The following MYO1E variants were observed in gnomAD, a reference collection of about 807,000 sequenced individuals.
MYO1E encodes myosin IE.
Under a neutral mutation model 151.1 loss-of-function variants are expected in MYO1E, and 68 were observed. The observed-to-expected ratio is 0.45, with a 90% CI of 0.37 to 0.55. The LOEUF is 0.55. MYO1E is among the 20% of genes least tolerant of loss of function. MYO1E has a pLI of 0.00. For synonymous variants in MYO1E, 601 were observed against 501.7 expected, an observed-to-expected ratio of 1.20 and a Z score of -2.64; for missense variants, 1,363 against 1,389.3, an observed-to-expected ratio of 0.98 and a Z score of 0.30.
intron 12 of MYO1E, 38 bp from the exon 13 acceptor site, chr15:59,210,638 G>T (rs2140340349): frequency 7.0e-7 from 1 of 1,422,174 alleles, no homozygotes; most frequent in Non-Finnish European, 9.9e-7. Flanking sequence ...TTATTTCCCA[G>T]ATAGCAAGAG....
In MYO1E at chr15:59,334,745, T is replaced by C. The variant is rs2080718384; in HGVS notation, c.3+37753A>G. Reference sequence around the variant, plus strand: ...GGCTTTCTTTCGCAGGCCCTTCCAGTCACAATGCTGGGTCTTTGGGTTCAG... The same window carrying C: ...GGCTTTCTTTCGCAGGCCCTTCCAGCCACAATGCTGGGTCTTTGGGTTCAG... On this transcript the variant is annotated intron_variant, in intron 1 of 27. Transcript: ENST00000288235. Among the ~76,000 whole-genome samples, 3 of 152,170 alleles carry C rather than the reference T, an allele frequency of 2.0e-5. No homozygotes were observed. The South Asian group carries it at 6.2e-4, about 32-fold the overall frequency.
At chr15:59,279,878 A>G (rs988122959) in intron 1 of MYO1E, among the ~76,000 whole-genome samples, 5 of 152,160 alleles carry the variant, frequency 3.3e-5, no homozygotes, top group African/African-American at 1.2e-4. Flanking sequence ...CAGTTGTTAA[A>G]ATGTTGTGGT....
intron 1 of MYO1E, among the ~76,000 whole-genome samples, chr15:59,338,124 G>A (rs1021171079): frequency 2.6e-5 from 4 of 151,150 alleles, no homozygotes; most frequent in Non-Finnish European, 5.9e-5. Flanking sequence ...ATTGACAACT[G>A]CATTGTGAGG....
intron 22 of MYO1E, among the ~76,000 whole-genome samples, chr15:59,169,649 A>G (rs1379398449): frequency 1.3e-5 from 2 of 152,252 alleles, no homozygotes; most frequent in East Asian, 3.8e-4. Context: ...ACCGCAAGAA[A>G]GGAACCTTCC....
chr15:59,216,276 G>C (rs1237919569), intron 10 of MYO1E, among the ~76,000 whole-genome samples: 1 of 151,446 alleles, frequency 6.6e-6, no homozygotes, highest in African/African-American at 2.4e-5. Flanking sequence ...AGTGACCTTG[G>C]GCAAATTCCT....
Position 59,372,794 on chromosome 15 carries a change from C to A in MYO1E, c.-294G>T, listed in dbSNP as rs768721396. ...CGCCGGCCCAGGTGAGTCCGATGCG[C>A]TCGGAGCGTCCGCCTCGCTCCCCTG... is the stretch of plus-strand genomic sequence containing the variant. On this transcript the variant is annotated 5_prime_UTR_variant, in exon 1 of 28. Transcript: ENST00000288235. The A allele has an allele frequency of 5.1e-5, 26 of 505,922 alleles. No individual in the cohort carries two copies. The highest frequency in any genetic ancestry group is 7.7e-5 in the Non-Finnish European group (22 of 286,968). The allele number at this position is 505,922 out of a possible 1,614,324, so 31.3% of individuals were successfully genotyped here.
intron 1 of MYO1E, among the ~76,000 whole-genome samples, chr15:59,333,398 G>A (rs1020807299): frequency 4.6e-5 from 7 of 151,970 alleles, no homozygotes; most frequent in South Asian, 2.1e-4. Flanking sequence ...CTCCACCACC[G>A]CGCCTGGGTA....
Position 59,350,908 on chromosome 15 carries a change from CT to C in MYO1E, c.3+21589del, listed in dbSNP as rs2080819633. On this transcript the variant is annotated intron_variant, in intron 1 of 27. Transcript: ENST00000288235. The surrounding 1 kb of genome is among the most constrained non-coding windows in gnomAD (Gnocchi z 5.0). ...GGTTGGTTGGTTTTTTGTTTTTTGT[CT>C]TTTTTGAGACGGAGTCTCGCTCTGT... Among the ~76,000 whole-genome samples, 2 of 151,898 alleles carry C rather than the reference CT, an allele frequency of 1.3e-5. No homozygotes were observed. The highest frequency in any genetic ancestry group is 4.8e-5 in the African/African-American group (2 of 41,360).
chr15:59,277,809 A>C (rs1447948208), intron 1 of MYO1E, among the ~76,000 whole-genome samples: 2 of 152,224 alleles, frequency 1.3e-5, no homozygotes, highest in Non-Finnish European at 2.9e-5. Context: ...ATACTGTTTC[A>C]TTGAAAGAGT....
Position 59,163,159 on chromosome 15 carries a change from A to G in MYO1E, c.2625T>C (p.Asn875=), listed in dbSNP as rs1429635931. Residue 875 remains asparagine (N), a splice_region_variant and synonymous_variant, in exon 23 of 28, where the codon AAT becomes AAC. Transcript: ENST00000288235. ...CTGGGTCCCAGATCCGGACTTACGT[A>G]TTGCTGAATTTCAGAGGTAGTTGCT... ...TQKQLPLKFS[N]TLELKLKKEN... is the part of the protein sequence containing the mutation. 18 of 1,613,936 alleles carry G rather than the reference A, an allele frequency of 1.1e-5. No homozygotes were observed. Among genetic ancestry groups the G allele is most frequent in the Non-Finnish European group, 1.5e-5 (18 of 1,179,972 alleles).
At chr15:59,345,253 G>GAA (rs150781612) in intron 1 of MYO1E, among the ~76,000 whole-genome samples, 3 of 139,638 alleles carry the variant, frequency 2.1e-5, no homozygotes, top group African/African-American at 7.7e-5. Flanking sequence ...GAGAGAGAGA[G>GAA]AAAAAAAAAA....
chr15:59,190,915 G>A (rs2079729038), intron 17 of MYO1E, among the ~76,000 whole-genome samples: 1 of 152,110 alleles, frequency 6.6e-6, no homozygotes, highest in South Asian at 2.1e-4. Context: ...GAATCCATGA[G>A]GTATACAGGA....
intron 1 of MYO1E, among the ~76,000 whole-genome samples, chr15:59,349,305 T>C (rs1567021763): frequency 6.6e-6 from 1 of 152,218 alleles, no homozygotes; most frequent in Non-Finnish European, 1.5e-5. Context: ...TCTAATGATT[T>C]TGTCATACTG....
At chr15:59,302,701 C>T (rs535013047) in intron 1 of MYO1E, among the ~76,000 whole-genome samples, 1 of 152,178 alleles carries the variant, frequency 6.6e-6, no homozygotes, top group Admixed American at 6.5e-5. Flanking sequence ...GCCTGACACA[C>T]CTTGGGGCTT....
At chr15:59,300,865 T>G (rs1338897956) in intron 1 of MYO1E, among the ~76,000 whole-genome samples, 10 of 144,444 alleles carry the variant, frequency 6.9e-5, no homozygotes, top group Non-Finnish European at 1.3e-4. Flanking sequence ...TCCTTTTTTT[T>G]CTTTTTTTTT....
At chr15:59,293,161 C>T (rs763464782) in intron 1 of MYO1E, among the ~76,000 whole-genome samples, 3 of 152,152 alleles carry the variant, frequency 2.0e-5, no homozygotes, top group African/African-American at 4.8e-5. Flanking sequence ...GGGCAACGGA[C>T]AATCACCCCC....
intron 2 of MYO1E, among the ~76,000 whole-genome samples, chr15:59,268,940 C>T (rs2080274144): frequency 6.6e-6 from 1 of 151,604 alleles, no homozygotes; most frequent in Admixed American, 6.6e-5. Context: ...TGTTTTTATA[C>T]TCAGCTTACC....
intron 19 of MYO1E, 146 bp downstream of exon 19, chr15:59,178,247 C>T: frequency 1.0e-6 from 1 of 996,732 alleles, no homozygotes; most frequent in Non-Finnish European, 1.5e-6. Flanking sequence ...CCCACTTAGA[C>T]CAGGAAGGGA....
chr15:59,245,167 G>A (rs990264021), intron 4 of MYO1E, among the ~76,000 whole-genome samples: 8 of 152,144 alleles, frequency 5.3e-5, no homozygotes, highest in Admixed American at 1.3e-4. Context: ...CCTGAAAAGC[G>A]TCCCCATGCT....
Sources: gnomAD v4.1 joint callset for allele counts (sites outside exome capture counted in the v4.1 genomes callset) on GRCh38, gnomAD v4.1.1 for gene constraint, Gnocchi (gnomAD v3.1) non-coding constraint, MANE v1.5 for transcripts, NCBI Gene and HGNC (gene_info 2026-07-23, HGNC 2026-07-21) for gene names.